Variants in RYR2 observed in about 807,000 individuals in gnomAD.
RYR2 encodes cardiac muscle ryanodine receptor-calcium release channel.
A neutral mutation model predicts 601.1 loss-of-function variants in RYR2; 227 were observed. The observed-to-expected ratio is 0.38, with a 90% CI of 0.34 to 0.42. RYR2 has a LOEUF of 0.42. Ranked by LOEUF, RYR2 falls within the 10% of genes least tolerant of loss-of-function variation. The probability of loss-of-function intolerance (pLI) is 1.00; values close to 1 mark genes in which losing one functional copy is unlikely to be tolerated. For synonymous variants in RYR2, 2,223 were observed against 2,175.1 expected, an observed-to-expected ratio of 1.02 and a Z score of -0.61; for missense variants, 4,646 against 6,156.5, an observed-to-expected ratio of 0.75 and a Z score of 8.21.
At chr1:237,331,024 C>G in intron 3 of RYR2, 42 bp downstream of exon 3, 10 of 1,462,218 alleles carry the variant, frequency 6.8e-6, no homozygotes, top group Non-Finnish European at 9.6e-6. Context: ...TTTTAATGAG[C>G]TCAGCTACTA....
chr1:237,608,227 G>T (rs1253732451), intron 35 of RYR2, among the ~76,000 whole-genome samples: 2 of 152,186 alleles, frequency 1.3e-5, no homozygotes, highest in Non-Finnish European at 2.9e-5. Context: ...GAACTCTCAA[G>T]AATGTTGGAG....
At chr1:237,792,349 C>CTGTGTGTGTGTG (rs34337859) in intron 94 of RYR2, 26 bp downstream of exon 94, 13 of 705,880 alleles carry the variant, frequency 1.8e-5, no homozygotes, top group Non-Finnish European at 2.7e-5. Flanking sequence ...ACCAAGGTAC[C>CTGTGTGTGTGTG]TGTGTGTGTG....
chr1:237,416,500 A>G (rs1319800415), intron 10 of RYR2, among the ~76,000 whole-genome samples: 8 of 152,048 alleles, frequency 5.3e-5, no homozygotes, highest in Non-Finnish European at 1.0e-4. Context: ...CTTTTTTGTG[A>G]CTTTTTGGAT....
At chr1:237,678,555 G>T (rs1685598978) in intron 61 of RYR2, among the ~76,000 whole-genome samples, 1 of 152,126 alleles carries the variant, frequency 6.6e-6, no homozygotes, top group African/African-American at 2.4e-5. Context: ...TCATTTTATG[G>T]AAGATCAGAG....
chr1:237,153,831 G>C (rs879839737), intron 1 of RYR2, among the ~76,000 whole-genome samples: 7 of 152,060 alleles, frequency 4.6e-5, no homozygotes, highest in Non-Finnish European at 8.8e-5. Context: ...GTTTTCTGCT[G>C]TAAAAATACT....
intron 23 of RYR2, among the ~76,000 whole-genome samples, chr1:237,508,891 C>T (rs1254249712): frequency 9.9e-5 from 15 of 150,782 alleles, no homozygotes; most frequent in Non-Finnish European, 1.6e-4. Context: ...TACAGGCGCC[C>T]GCTACCACGC....
Position 237,775,075 on chromosome 1 carries a change from CAAAAA to C in RYR2, c.11775+1443_11775+1447del, listed in dbSNP as rs5781992. On this transcript the variant is annotated intron_variant, in intron 87 of 104. Transcript: ENST00000366574. ...TTATTGTGCTTGGTTCAATAAGAAC[CAAAAA>C]AAAAAAAAAAAAAAACAGAAGTAAC... is the stretch of plus-strand genomic sequence containing the variant. Among the ~76,000 whole-genome samples, 738 of 90,456 alleles carry C rather than the reference CAAAAA, an allele frequency of 8.2e-3. 13 individuals carry two copies. Among genetic ancestry groups the C allele is most frequent in the African/African-American group, 0.025 (680 of 27,468 alleles). The allele number at this position is 90,456 out of a possible 152,430, so 59.3% of individuals were successfully genotyped here.
intron 1 of RYR2, among the ~76,000 whole-genome samples, chr1:237,140,348 A>G (rs917913603): frequency 1.5e-4 from 23 of 152,190 alleles, no homozygotes; most frequent in African/African-American, 5.1e-4. Flanking sequence ...CTTTAGTGGT[A>G]TTGCATAATG....
At chr1:237,143,373 C>T (rs1321661823) in intron 1 of RYR2, among the ~76,000 whole-genome samples, 2 of 152,176 alleles carry the variant, frequency 1.3e-5, no homozygotes, top group Non-Finnish European at 2.9e-5. Flanking sequence ...AACTCTTACC[C>T]TCTCCTCAAC....
chr1:237,707,500 G>T (rs1688480624), intron 68 of RYR2, among the ~76,000 whole-genome samples: 1 of 151,970 alleles, frequency 6.6e-6, no homozygotes, highest in Non-Finnish European at 1.5e-5. Context: ...ATCTCTGTAA[G>T]ATTAATCAAT....
intron 61 of RYR2, among the ~76,000 whole-genome samples, chr1:237,679,447 G>A (rs549662963): frequency 4.2e-4 from 64 of 152,132 alleles, no homozygotes; most frequent in Non-Finnish European, 7.1e-4. Flanking sequence ...TCTACCACAT[G>A]GTAGGAAAAA....
chr1:237,503,491 G>C lies in RYR2; in HGVS notation c.2599G>C (p.Val867Leu). 6.2e-7 allele frequency: 1 copy of C among 1,613,620 alleles called. No individual in the cohort carries two copies. Among genetic ancestry groups the C allele is most frequent in the Non-Finnish European group, 8.5e-7 (1 of 1,179,672 alleles). The stretch of plus-strand genomic sequence containing the variant: ...GCAAGCTGCCTTCACACCCATCCCT[G>C]TGGATACCAGCCAGGTACCAAGATC... ...LTQAAFTPIP[V>L]DTSQIVLPPH... The change falls in exon 22 of 105, where the codon GTG (valine) becomes CTG (leucine). Residue 867 changes from valine to leucine, a missense_variant. Val to Leu is a conservative substitution (Grantham distance 32, BLOSUM62 1). Around this residue, in one of 17 missense-constraint regions of RYR2, gnomAD observed 1,807 missense variants for 2,088.1 expected, o/e 0.87. Coordinates refer to ENST00000366574, the MANE Select transcript of RYR2 (RefSeq NM_001035.3).
intron 9 of RYR2, among the ~76,000 whole-genome samples, 162 bp from the exon 10 acceptor site, chr1:237,387,925 G>A (rs1400180193): frequency 7.9e-6 from 1 of 126,620 alleles, no homozygotes; most frequent in African/African-American, 2.7e-5. Flanking sequence ...AGGACTCAGA[G>A]GGAACAGCAG....
chr1:237,580,562 C>T (rs1011107555), intron 29 of RYR2, among the ~76,000 whole-genome samples: 12 of 152,032 alleles, frequency 7.9e-5, no homozygotes, highest in Non-Finnish European at 1.8e-4. Context: ...GGATGATTTC[C>T]GGGTTCCTTG....
intron 1 of RYR2, chr1:237,120,744 T>A (rs949429258): frequency 5.3e-5 from 8 of 152,266 alleles, no homozygotes; most frequent in African/African-American, 1.9e-4. Context: ...TCCCCTGACA[T>A]AGCTCTCTAG....
chr1:237,664,161 A>C (rs1316500202), intron 56 of RYR2, among the ~76,000 whole-genome samples: 1 of 152,260 alleles, frequency 6.6e-6, no homozygotes, highest in African/African-American at 2.4e-5. Flanking sequence ...ATGAAAAATA[A>C]GCTTATAACC....
chr1:237,726,196 T>C, intron 74 of RYR2, 77 bp from the exon 75 acceptor site: 1 of 980,602 alleles, frequency 1.0e-6, no homozygotes, highest in South Asian at 1.5e-5. Context: ...ATTACAATCA[T>C]TTTTGACTCT....
At chr1:237,123,397 G>A (rs557153526) in intron 1 of RYR2, among the ~76,000 whole-genome samples, 1 of 152,200 alleles carries the variant, frequency 6.6e-6, no homozygotes, top group Admixed American at 6.5e-5. Flanking sequence ...GACCAGCTCA[G>A]GCAACATAGC....
chr1:237,341,633 T>A (rs760209125), intron 3 of RYR2: 1 of 516,674 alleles, frequency 1.9e-6, no homozygotes, highest in Non-Finnish European at 3.9e-6. Context: ...ACAATGCATG[T>A]TATGTACTAG....
Sources: allele counts gnomAD v4.1 joint callset (sites outside exome capture counted in the v4.1 genomes callset), GRCh38; gene constraint gnomAD v4.1.1; regional missense constraint gnomAD v4.1.1; transcripts MANE v1.5; gene names NCBI Gene and HGNC (gene_info 2026-07-23, HGNC 2026-07-21).